The following FRMD6 variants were observed in gnomAD, a reference collection of about 807,000 sequenced individuals.
FRMD6 encodes the protein FERM domain-containing protein 6.
A neutral mutation model predicts 73.2 loss-of-function variants in FRMD6; 37 were observed. The observed-to-expected ratio is 0.51, with a 90% CI of 0.39 to 0.66. The LOEUF (loss-of-function observed/expected upper bound fraction) is 0.66, where lower values mean the gene tolerates loss of function less well. Among genes scored for constraint, FRMD6 ranks in the 30% least tolerant of loss-of-function variants. FRMD6 has a pLI of 0.00. For synonymous variants in FRMD6, 273 were observed against 282.2 expected (o/e 0.97, Z 0.33); for missense variants, 714 against 780.5 (o/e 0.91, Z 1.02).
At chr14:51,414,935 T>G in the FRMD6 span, among the ~76,000 whole-genome samples, 9 of 152,360 alleles carry the variant, frequency 5.9e-5, no homozygotes, top group South Asian at 1.9e-3. Flanking sequence ...AGTTCACTCA[T>G]GATTTGGCTC....
chr14:51,500,348 GA>G (rs892869905), intron 1 of FRMD6, among the ~76,000 whole-genome samples: 1 of 152,016 alleles, frequency 6.6e-6, no homozygotes, highest in Admixed American at 6.6e-5. Context: ...CCTACATGGT[GA>G]AACCCTGTCT....
chr14:51,589,898 G>A (rs766736878), intron 2 of FRMD6, among the ~76,000 whole-genome samples: 5 of 151,986 alleles, frequency 3.3e-5, no homozygotes, highest in Admixed American at 3.3e-4. Context: ...GGGAAACCCC[G>A]TCCTACTAAA....
At chr14:51,641,722 C>T (rs909047384) in intron 2 of FRMD6, among the ~76,000 whole-genome samples, 2 of 152,288 alleles carry the variant, frequency 1.3e-5, no homozygotes, top group Middle Eastern at 3.4e-3. Context: ...GTCAAGTTCA[C>T]CCTTTCGATC....
At chr14:51,611,364 G>A (rs1313074685) in intron 2 of FRMD6, among the ~76,000 whole-genome samples, 2 of 152,126 alleles carry the variant, frequency 1.3e-5, no homozygotes, top group African/African-American at 2.4e-5. Context: ...TCAGTTTGAG[G>A]TAGGGATTCT....
chr14:51,577,644 T>G (rs905174056), intron 2 of FRMD6, among the ~76,000 whole-genome samples: 2 of 152,184 alleles, frequency 1.3e-5, no homozygotes, highest in African/African-American at 4.8e-5. Context: ...TAACTAACTC[T>G]GCATGGAAAG....
chr14:51,587,283 T>G (rs904249401), intron 2 of FRMD6, among the ~76,000 whole-genome samples: 5 of 152,140 alleles, frequency 3.3e-5, no homozygotes, highest in Non-Finnish European at 5.9e-5. Flanking sequence ...GCAGCTAAAT[T>G]TTAGTAGTAG....
chr14:51,623,630 AC>A (rs1891012720), intron 2 of FRMD6, among the ~76,000 whole-genome samples: 1 of 152,150 alleles, frequency 6.6e-6, no homozygotes, highest in African/African-American at 2.4e-5. Flanking sequence ...CCCAGATATC[AC>A]AGTTTCCTGG....
chr14:51,609,255 G>A (rs1890391697), intron 2 of FRMD6, among the ~76,000 whole-genome samples: 1 of 152,126 alleles, frequency 6.6e-6, no homozygotes, highest in Admixed American at 6.5e-5. Context: ...CTAATAAATG[G>A]AGTCATTCAT....
At chr14:51,443,312 T>C in the FRMD6 span, among the ~76,000 whole-genome samples, 1 of 152,214 alleles carries the variant, frequency 6.6e-6, no homozygotes, top group African/African-American at 2.4e-5. Context: ...CTTGAAAAAG[T>C]CCAAGATGTA....
chr14:51,453,913 G>A, the FRMD6 span, among the ~76,000 whole-genome samples: 2 of 152,190 alleles, frequency 1.3e-5, no homozygotes, highest in African/African-American at 2.4e-5. Context: ...GTTAGGTTGA[G>A]TTTAGAAATC....
intron 1 of FRMD6, among the ~76,000 whole-genome samples, chr14:51,517,141 G>T (rs1391851085): frequency 6.6e-6 from 1 of 152,156 alleles, no homozygotes; most frequent in Admixed American, 6.5e-5. Flanking sequence ...TTGGAACTGG[G>T]AAATAATAGA....
intron 1 of FRMD6, among the ~76,000 whole-genome samples, chr14:51,493,589 G>C (rs1596489998): frequency 6.6e-6 from 1 of 152,164 alleles, no homozygotes; most frequent in African/African-American, 2.4e-5. Context: ...GGAACTGTGA[G>C]TCAATTAAAC....
At chr14:51,725,910 G>A in intron 13 of FRMD6, 40 bp downstream of exon 13, 3 of 1,459,370 alleles carry the variant, frequency 2.1e-6, no homozygotes, top group Non-Finnish European at 2.9e-6. Context: ...GGAAACTGAA[G>A]TTATAGAAAA....
At chr14:51,554,695 C>T (rs947621537) in intron 1 of FRMD6, 10 of 152,148 alleles carry the variant, frequency 6.6e-5, no homozygotes, top group Non-Finnish European at 4.4e-5. Context: ...CTGTTCAGGT[C>T]ACTGAAAGCA....
At chr14:51,546,583 C>CAAAAA (rs56915114) in intron 1 of FRMD6, 2 of 96,652 alleles carry the variant, frequency 2.1e-5, no homozygotes, top group African/African-American at 3.8e-5. Context: ...CCCTCCCCAT[C>CAAAAA]AAAAAAAAAA....
chr14:51,589,973 TAGG>T (rs1889288582), intron 2 of FRMD6, among the ~76,000 whole-genome samples: 1 of 148,244 alleles, frequency 6.7e-6, no homozygotes, highest in African/African-American at 2.5e-5. Flanking sequence ...GAGGCTTAGG[TAGG>T]AGAATTGCTT....
the FRMD6 span, among the ~76,000 whole-genome samples, chr14:51,438,040 G>C: frequency 6.6e-6 from 1 of 152,136 alleles, no homozygotes; most frequent in African/African-American, 2.4e-5. Flanking sequence ...ACATGCATCT[G>C]TCTACTTTCT....
chr14:51,413,263 A>G, the FRMD6 span, among the ~76,000 whole-genome samples: 1 of 151,984 alleles, frequency 6.6e-6, no homozygotes. Flanking sequence ...GCACTCATCA[A>G]CTCGTCATTT....
At chr14:51,607,484 T>C (rs1890307968) in intron 2 of FRMD6, among the ~76,000 whole-genome samples, 1 of 152,118 alleles carries the variant, frequency 6.6e-6, no homozygotes, top group African/African-American at 2.4e-5. Flanking sequence ...TAGGTTCAAG[T>C]TTCTCAAATT....
Sources: gnomAD v4.1 joint callset for allele counts (sites outside exome capture counted in the v4.1 genomes callset) on GRCh38, gnomAD v4.1.1 for gene constraint, MANE v1.5 for transcripts, NCBI Gene and HGNC (gene_info 2026-07-23, HGNC 2026-07-21) for gene names.